Variants in EPB41L5 observed in about 807,000 individuals in gnomAD.
The protein encoded by EPB41L5 is erythrocyte membrane protein band 4.1 like 5.
EPB41L5 carries 55 observed loss-of-function variants against 106.6 expected under a neutral mutation model. That is an observed-to-expected ratio of 0.52 (90% confidence interval 0.42 to 0.65). The LOEUF (loss-of-function observed/expected upper bound fraction) is 0.65. Among genes scored for constraint, EPB41L5 ranks in the 30% least tolerant of loss-of-function variants. EPB41L5 has a pLI of 0.00. For missense variants in EPB41L5, 871 were observed against 882.1 expected (o/e 0.99, Z 0.16); for synonymous variants, 297 against 306.7 (o/e 0.97, Z 0.33).
intron 2 of EPB41L5, among the ~76,000 whole-genome samples, chr2:120,032,762 C>A (rs555298027): frequency 6.6e-6 from 1 of 152,290 alleles, no homozygotes; most frequent in African/African-American, 2.4e-5. Flanking sequence ...GCAGAATGAA[C>A]AACTCACCCT....
At chr2:120,083,374 T>A (rs1009043122) in intron 10 of EPB41L5, among the ~76,000 whole-genome samples, 1 of 152,232 alleles carries the variant, frequency 6.6e-6, no homozygotes, top group Non-Finnish European at 1.5e-5. Context: ...CCAGTAGTCA[T>A]TCAGGAGCAA....
intron 19 of EPB41L5, among the ~76,000 whole-genome samples, chr2:120,144,512 A>G (rs1416312996): frequency 6.6e-6 from 1 of 152,232 alleles, no homozygotes; most frequent in Non-Finnish European, 1.5e-5. Flanking sequence ...GAGTAACCCT[A>G]AAGTAAAGGG....
chr2:120,045,280 A>G (rs1381763615), intron 3 of EPB41L5, among the ~76,000 whole-genome samples: 1 of 152,226 alleles, frequency 6.6e-6, no homozygotes, highest in Admixed American at 6.5e-5. Context: ...TTATATAGAC[A>G]TATAATCTGA....
intron 18 of EPB41L5, among the ~76,000 whole-genome samples, chr2:120,136,192 A>G (rs768113743): frequency 6.6e-5 from 10 of 150,588 alleles, no homozygotes; most frequent in African/African-American, 1.5e-4. Flanking sequence ...TCATCAGTTT[A>G]AAATAACATG....
chr2:120,028,154 G>A (rs1446882732), intron 2 of EPB41L5, among the ~76,000 whole-genome samples: 5 of 151,744 alleles, frequency 3.3e-5, no homozygotes, highest in African/African-American at 7.3e-5. Flanking sequence ...GTGAGCCACC[G>A]CGCCCGGCCG....
chr2:120,021,707 T>A (rs988914631), intron 2 of EPB41L5, among the ~76,000 whole-genome samples: 2 of 152,206 alleles, frequency 1.3e-5, no homozygotes, highest in African/African-American at 4.8e-5. Flanking sequence ...TAACTCTAGG[T>A]ACGTGCATGG....
At chr2:120,053,357 A>G (rs145923442) in intron 3 of EPB41L5, among the ~76,000 whole-genome samples, 1 of 152,332 alleles carries the variant, frequency 6.6e-6, no homozygotes, top group Non-Finnish European at 1.5e-5. Flanking sequence ...AAAAAAGACA[A>G]TTTACATACC....
chr2:120,146,054 G>A (rs1686389711), intron 19 of EPB41L5, among the ~76,000 whole-genome samples, 171 bp from the exon 20 acceptor site: 2 of 152,164 alleles, frequency 1.3e-5, no homozygotes, highest in Admixed American at 1.3e-4. Flanking sequence ...TAGGTATGGG[G>A]TAAGATTGTA....
intron 20 of EPB41L5, among the ~76,000 whole-genome samples, chr2:120,159,380 G>A (rs1291463593): frequency 1.5e-4 from 21 of 144,056 alleles, no homozygotes; most frequent in African/African-American, 4.7e-4. Context: ...CCGAGATCGC[G>A]CCACTGCACC....
Position 120,128,004 on chromosome 2 carries a change from G to C in EPB41L5, c.1501+153G>C, listed in dbSNP as rs569409752. 1.0e-3 allele frequency: 561 copies of C among 548,202 alleles called. 5 individuals are homozygous for C. The East Asian group carries it at 0.017, about 17-fold the overall frequency. The allele number at this position is 548,202 out of a possible 1,614,324, so 34.0% of individuals were successfully genotyped here. The stretch of plus-strand genomic sequence containing the variant: ...ATGCCCTCTTGCCTTTTTGACTTAA[G>C]GTAACACTGAAATATTTAAGATAAC... On this transcript the variant is annotated intron_variant, in intron 17 of 24. Transcript: ENST00000263713.
chr2:120,051,463 G>C (rs1236979552), intron 3 of EPB41L5, among the ~76,000 whole-genome samples: 1 of 152,208 alleles, frequency 6.6e-6, no homozygotes, highest in Non-Finnish European at 1.5e-5. Context: ...CCAGGCACAG[G>C]ATATAATTTC....
chr2:120,086,545 T>C (rs1683067991), intron 10 of EPB41L5, among the ~76,000 whole-genome samples: 1 of 152,122 alleles, frequency 6.6e-6, no homozygotes, highest in Admixed American at 6.6e-5. Context: ...GCGGATCACT[T>C]GAGCCCAGGA....
At chr2:120,064,155 A>G (rs188595870) in intron 3 of EPB41L5, among the ~76,000 whole-genome samples, 4 of 152,344 alleles carry the variant, frequency 2.6e-5, no homozygotes, top group Middle Eastern at 3.4e-3. Context: ...CAGTAACGCT[A>G]TGTATTCATC....
intron 10 of EPB41L5, among the ~76,000 whole-genome samples, chr2:120,082,944 G>T (rs1407339161): frequency 1.3e-5 from 2 of 151,986 alleles, no homozygotes; most frequent in Non-Finnish European, 2.9e-5. Context: ...TGGGATCGGT[G>T]GTAATATCCC....
intron 18 of EPB41L5, among the ~76,000 whole-genome samples, chr2:120,139,562 C>G (rs1227332112): frequency 3.9e-5 from 6 of 151,934 alleles, no homozygotes; most frequent in Non-Finnish European, 8.8e-5. Flanking sequence ...AAATGGCAAA[C>G]AAGTTTATGA....
intron 16 of EPB41L5, among the ~76,000 whole-genome samples, chr2:120,124,220 C>T (rs1475882271): frequency 6.6e-6 from 1 of 152,188 alleles, no homozygotes; most frequent in Non-Finnish European, 1.5e-5. Flanking sequence ...TCACTCCCCT[C>T]ATTTCTGGCT....
intron 1 of EPB41L5, among the ~76,000 whole-genome samples, chr2:120,017,976 T>TG (rs1677643903): frequency 6.6e-6 from 1 of 151,024 alleles, no homozygotes; most frequent in Admixed American, 6.6e-5. Context: ...TTTTTTTTTT[T>TG]TTTGAGACGG....
chr2:120,087,397 A>G (rs577309797), intron 11 of EPB41L5, among the ~76,000 whole-genome samples, 157 bp downstream of exon 11: 2 of 152,344 alleles, frequency 1.3e-5, no homozygotes, highest in East Asian at 1.9e-4. Context: ...CTTGGGTCAT[A>G]CCATGCTAAA....
intron 18 of EPB41L5, among the ~76,000 whole-genome samples, chr2:120,140,284 A>T (rs1424899046): frequency 4.6e-5 from 7 of 151,988 alleles, no homozygotes; most frequent in Admixed American, 4.6e-4. Context: ...CTGTACATTT[A>T]AAAATAACGG....
Sources: allele counts gnomAD v4.1 joint callset (sites outside exome capture counted in the v4.1 genomes callset), GRCh38; gene constraint gnomAD v4.1.1; transcripts MANE v1.5; gene names NCBI Gene and HGNC (gene_info 2026-07-23, HGNC 2026-07-21).